Variants in AGAP1 observed in about 807,000 individuals in gnomAD.
AGAP1 encodes arf-GAP with GTPase, ANK repeat and PH domain-containing protein 1.
In AGAP1, 29 loss-of-function variants were observed where a neutral mutation model predicts 105.3. That is an observed-to-expected ratio of 0.28 (90% CI 0.21 to 0.38). The LOEUF (loss-of-function observed/expected upper bound fraction) is 0.38, where lower values mean the gene tolerates loss of function less well. AGAP1 is among the 10% of genes least tolerant of loss of function. The pLI is 1.00. For synonymous variants in AGAP1, 509 were observed against 485.9 expected (o/e 1.05, Z -0.63); for missense variants, 998 against 1,165.1 (o/e 0.86, Z 2.09).
intron 13 of AGAP1, among the ~76,000 whole-genome samples, chr2:236,034,873 C>A (rs2057332335): frequency 6.6e-6 from 1 of 152,218 alleles, no homozygotes; most frequent in African/African-American, 2.4e-5. Context: ...CATGGGCCCT[C>A]TCTGGCTGGG....
chr2:236,122,680 A>ATTTTT (rs71039713), intron 17 of AGAP1, among the ~76,000 whole-genome samples: 14,406 of 123,204 alleles, frequency 0.12, 1,164 homozygotes, highest in Non-Finnish European at 0.17. Flanking sequence ...TCCAGTGACA[A>ATTTTT]TTTTTTTTTT....
chr2:235,666,958 C>G (rs759343418), intron 1 of AGAP1, among the ~76,000 whole-genome samples: 11 of 152,092 alleles, frequency 7.2e-5, no homozygotes, highest in Non-Finnish European at 1.5e-4. Flanking sequence ...GGGTTCTGGT[C>G]CCACCCTTGA....
intron 1 of AGAP1, among the ~76,000 whole-genome samples, chr2:235,671,476 C>T (rs1467088269): frequency 6.6e-6 from 1 of 152,196 alleles, no homozygotes; most frequent in East Asian, 1.9e-4. Flanking sequence ...GAGAAGCCGG[C>T]ATTCATCCTG....
rs1401657867 is a variant in AGAP1, at chr2:235,957,875, A to G, written c.1484-10587A>G. Among the ~76,000 whole-genome samples the G allele has an allele frequency of 1.3e-5, 2 of 152,180 alleles. No individual in the cohort carries two copies. The highest frequency in any genetic ancestry group is 4.8e-5 in the African/African-American group (2 of 41,448). On this transcript the variant is annotated intron_variant, in intron 12 of 17. Transcript: ENST00000304032. The surrounding 1 kb of genome is among the most constrained non-coding windows in gnomAD (Gnocchi z 4.6). ...CCCTCAACTGATTTCCTCTCCTGGC[A>G]CCTACAAATGGGCCTGTCTTTGATA... is the stretch of plus-strand genomic sequence containing the variant.
At position 236,120,099 on chromosome 2, in the gene AGAP1, CCT is replaced by C. The variant is rs2059863730; in HGVS notation, c.2115-89_2115-88del. ...CCTTTGCTTTCTGTTATTTCACTTC[CCT>C]CTCGGCTTCTCCCGACCACACTGGG... is the stretch of plus-strand genomic sequence containing the variant. On this transcript the variant is annotated intron_variant, in intron 16 of 17. Coordinates refer to ENST00000304032, the MANE Select transcript of AGAP1 (RefSeq NM_001037131.3). The surrounding 1 kb of genome is among the most constrained non-coding windows in gnomAD (Gnocchi z 6.0). 4.6e-6 allele frequency: 7 copies of C among 1,512,910 alleles called. No homozygotes were observed. The highest frequency in any genetic ancestry group is 6.2e-6 in the Non-Finnish European group (7 of 1,126,434). 93.7% of individuals were successfully genotyped at this position (1,512,910 alleles called of 1,614,324 possible).
chr2:235,636,809 G>T (rs1224684754), intron 1 of AGAP1, among the ~76,000 whole-genome samples: 1 of 152,142 alleles, frequency 6.6e-6, no homozygotes, highest in Non-Finnish European at 1.5e-5. Context: ...ATGCCAGAGT[G>T]GGGTGGGCCC....
At position 235,655,296 on chromosome 2, in the gene AGAP1, A is replaced by G. The variant is rs1424922787; in HGVS notation, c.164-53883A>G. ...GGATATCACAATTTCGTAGCCTGGT[A>G]TATGCATTCCTTGTGGTGTGTATTA... On this transcript the variant is annotated intron_variant, in intron 1 of 17. Transcript: ENST00000304032. This position sits in a 1 kb window ranked among gnomAD's most constrained non-coding sequence, Gnocchi z 4.3. 2.0e-5 allele frequency among the ~76,000 whole-genome samples: 3 copies of G among 152,182 alleles called. No individual in the cohort carries two copies. The highest frequency in any genetic ancestry group is 6.5e-5 in the Admixed American group (1 of 15,276).
At chr2:235,547,310 T>G (rs1943656720) in intron 1 of AGAP1, among the ~76,000 whole-genome samples, 1 of 152,000 alleles carries the variant, frequency 6.6e-6, no homozygotes, top group East Asian at 1.9e-4. Context: ...TCTTTCCTCC[T>G]ATCACCTGAA....
In AGAP1 at chr2:235,878,706, T is replaced by C. The variant is rs531953004; in HGVS notation, c.1051-4639T>C. Among the ~76,000 whole-genome samples the C allele has an allele frequency of 7.9e-5, 12 of 152,348 alleles. No homozygotes were observed. In the South Asian group the frequency reaches 2.1e-3, roughly 26 times the overall value. On this transcript the variant is annotated intron_variant, in intron 9 of 17. Transcript: ENST00000304032. Reference sequence around the variant, plus strand: ...ATCTGCTCTCACTCCAAGCTCACATTATATTTCAGTGGGAATTTGGGAGTG... The same window carrying C: ...ATCTGCTCTCACTCCAAGCTCACATCATATTTCAGTGGGAATTTGGGAGTG...
In AGAP1 at chr2:235,864,028, G is replaced by A. The variant is rs944781731; in HGVS notation, c.1051-19317G>A. Among the ~76,000 whole-genome samples the A allele has an allele frequency of 3.9e-5, 6 of 152,162 alleles. No homozygotes were observed. Among genetic ancestry groups the A allele is most frequent in the East Asian group, 3.9e-4 (2 of 5,186 alleles). On this transcript the variant is annotated intron_variant, in intron 9 of 17. Transcript: ENST00000304032. The surrounding 1 kb of genome is among the most constrained non-coding windows in gnomAD (Gnocchi z 5.0). ...AATATTTTCCATAGATATAAAAGTC[G>A]ACTTCATAGCTTGCCTGGTGTGCTC...
Position 235,736,404 on chromosome 2 carries a change from G to A in AGAP1, c.311-4559G>A, listed in dbSNP as rs144663756. Among the ~76,000 whole-genome samples, 246 of 152,262 alleles carry A rather than the reference G, an allele frequency of 1.6e-3. No homozygotes were observed. Among genetic ancestry groups the A allele is most frequent in the African/African-American group, 5.6e-3 (234 of 41,552 alleles). ...ATCATAATTGGCAGCAGAGAAGGTT[G>A]CACATCACTCATGGCAGATCCATTA... On this transcript the variant is annotated intron_variant, in intron 3 of 17. Transcript: ENST00000304032. The surrounding 1 kb of genome is among the most constrained non-coding windows in gnomAD (Gnocchi z 5.5).
At chr2:235,675,809 C>T (rs1948706737) in intron 1 of AGAP1, among the ~76,000 whole-genome samples, 1 of 152,068 alleles carries the variant, frequency 6.6e-6, no homozygotes, top group African/African-American at 2.4e-5. Flanking sequence ...TAGGTTGGAG[C>T]CCAAGTTTCA....
rs1265734339 is a variant in AGAP1, at chr2:235,746,385, T to C, written c.538+1546T>C. Among the ~76,000 whole-genome samples, 29 of 77,614 alleles carry C rather than the reference T, an allele frequency of 3.7e-4. No individual in the cohort carries two copies. The South Asian group carries it at 6.3e-3, about 17-fold the overall frequency. 50.9% of individuals were successfully genotyped at this position (77,614 alleles called of 152,430 possible). A position where few individuals can be genotyped will look rare whatever the true frequency, so the allele number is the denominator to read the frequency against. Reference sequence around the variant, plus strand: ...GAGAGCACCTCCCCCAACTTTTTTTTTTTTTTTTTTTTTTTTTTTTTTTTT... The same window carrying C: ...GAGAGCACCTCCCCCAACTTTTTTTCTTTTTTTTTTTTTTTTTTTTTTTTT... On this transcript the variant is annotated intron_variant, in intron 5 of 17. Transcript: ENST00000304032.
At chr2:235,607,732 C>T (rs966166116) in intron 1 of AGAP1, among the ~76,000 whole-genome samples, 1 of 152,198 alleles carries the variant, frequency 6.6e-6, no homozygotes, top group African/African-American at 2.4e-5. Flanking sequence ...AGCTGCAGGC[C>T]AGCCTCGAGG....
chr2:235,646,858 G>A (rs890623344), intron 1 of AGAP1, among the ~76,000 whole-genome samples: 6 of 152,138 alleles, frequency 3.9e-5, no homozygotes, highest in East Asian at 1.9e-4. Context: ...GAGTCTTGCC[G>A]CGTGCGGTGG....
intron 1 of AGAP1, among the ~76,000 whole-genome samples, chr2:235,511,775 A>G (rs540839686): frequency 6.6e-6 from 1 of 152,270 alleles, no homozygotes; most frequent in South Asian, 2.1e-4. Context: ...TTTTGTTCCT[A>G]TAGAACATGC....
rs765210634 is a variant in AGAP1, at chr2:235,740,226, G to A, written c.311-737G>A. 1.3e-5 allele frequency among the ~76,000 whole-genome samples: 2 copies of A among 152,060 alleles called. No homozygotes were observed. The highest frequency in any genetic ancestry group is 1.3e-4 in the Admixed American group (2 of 15,266). On this transcript the variant is annotated intron_variant, in intron 3 of 17. Coordinates refer to ENST00000304032, the MANE Select transcript of AGAP1 (RefSeq NM_001037131.3). This position sits in a 1 kb window ranked among gnomAD's most constrained non-coding sequence, Gnocchi z 5.7. ...AACCTTGTACCATCCCCTCCTGAGAGCATCAGGGGCCGGGACGTCCAAGGT... is the reference window on the plus strand; with the variant it reads ...AACCTTGTACCATCCCCTCCTGAGAACATCAGGGGCCGGGACGTCCAAGGT...
At chr2:235,518,220 G>A (rs539743493) in intron 1 of AGAP1, among the ~76,000 whole-genome samples, 2 of 152,308 alleles carry the variant, frequency 1.3e-5, no homozygotes, top group Non-Finnish European at 2.9e-5. Flanking sequence ...TTTAATCCAC[G>A]TGAAGACAGT....
chr2:236,110,936 G>A (rs182956998), intron 16 of AGAP1, among the ~76,000 whole-genome samples: 37 of 152,262 alleles, frequency 2.4e-4, no homozygotes, highest in African/African-American at 6.7e-4. Flanking sequence ...GTTAGGGTTC[G>A]GTCTCTGCTT....
Sources: gnomAD v4.1 joint callset for allele counts (sites outside exome capture counted in the v4.1 genomes callset) on GRCh38, gnomAD v4.1.1 for gene constraint, Gnocchi (gnomAD v3.1) non-coding constraint, MANE v1.5 for transcripts, NCBI Gene and HGNC (gene_info 2026-07-23, HGNC 2026-07-21) for gene names.